The following ACOT1 variants were observed in gnomAD, a reference collection of about 807,000 sequenced individuals.
The protein encoded by ACOT1 is acyl-coenzyme A thioesterase 1.
Under a neutral mutation model 15.7 loss-of-function variants are expected in ACOT1, and 8 were observed. The ratio of observed to expected loss-of-function variants is 0.51; its 90% confidence interval spans 0.30 to 0.92. The LOEUF (loss-of-function observed/expected upper bound fraction) is 0.92, where lower values mean the gene tolerates loss of function less well. Among genes scored for constraint, ACOT1 ranks in the 40% least tolerant of loss-of-function variants. The pLI is 0.06. For missense variants in ACOT1, 151 were observed against 539.4 expected (o/e 0.28, Z 7.13); for synonymous variants, 67 against 241.2 (o/e 0.28, Z 6.69).
chr14:73,511,913 G>A, the ACOT1 span: 4 of 1,483,508 alleles, frequency 2.7e-6, no homozygotes, highest in African/African-American at 5.6e-5. Flanking sequence ...TTTGTAAAAT[G>A]ATCTCAGATA....
Position 73,537,935 on chromosome 14 carries a change from C to CTGTGTG in ACOT1, c.457+69_457+74dup, listed in dbSNP as rs375758117. 4,211 of 1,094,576 alleles carry CTGTGTG rather than the reference C, an allele frequency of 3.8e-3. 640 individuals are homozygous for CTGTGTG. The African/African-American group carries it at 0.065, about 17-fold the overall frequency. The allele number at this position is 1,094,576 out of a possible 1,614,324, so 67.8% of individuals were successfully genotyped here. A position where few individuals can be genotyped will look rare whatever the true frequency, so the allele number is the denominator to read the frequency against. ...CCCATCCCTGTTCCTGCGCTTTCCA[C>CTGTGTG]TGTGTGTGTGTGTGTGTCCCCTTCG... On this transcript the variant is annotated intron_variant, in intron 1 of 2. Transcript: ENST00000311148.
chr14:73,530,232 G>T, the ACOT1 span: 2 of 145,302 alleles, frequency 1.4e-5, no homozygotes, highest in African/African-American at 5.0e-5. Flanking sequence ...CTCCAGAAAT[G>T]CTGGGACTGC....
chr14:73,517,650 A>G, the ACOT1 span, among the ~76,000 whole-genome samples: 1 of 140,290 alleles, frequency 7.1e-6, no homozygotes, highest in Non-Finnish European at 1.5e-5. Context: ...CCTGGGAAAC[A>G]GAGTGAGACC....
chr14:73,542,008 A>G (rs1889102373), intron 2 of ACOT1, among the ~76,000 whole-genome samples: 1 of 112,408 alleles, frequency 8.9e-6, no homozygotes, highest in South Asian at 2.8e-4. Context: ...GGCACCTGCC[A>G]ACATGCCTGG....
the ACOT1 span, chr14:73,527,118 C>A: frequency 6.6e-6 from 1 of 152,148 alleles, no homozygotes. Flanking sequence ...GCTGCAGAGA[C>A]CGTAGGCTTA....
the ACOT1 span, chr14:73,523,160 C>T: frequency 3.3e-5 from 51 of 1,567,472 alleles, no homozygotes; most frequent in Non-Finnish European, 4.0e-5. Flanking sequence ...CATACCGCGT[C>T]CCAGCAAATG....
At chr14:73,511,532 T>C in the ACOT1 span, among the ~76,000 whole-genome samples, 2 of 119,800 alleles carry the variant, frequency 1.7e-5, no homozygotes, top group African/African-American at 6.1e-5. Flanking sequence ...AATAAATAAA[T>C]AAATAAATAA....
the ACOT1 span, among the ~76,000 whole-genome samples, chr14:73,501,569 CTTTT>C: frequency 2.1e-3 from 229 of 108,156 alleles, 2 homozygotes; most frequent in African/African-American, 7.8e-3. Flanking sequence ...GTCTCTCTCT[CTTTT>C]TTTTTTTTTT....
chr14:73,492,346 A>G, the ACOT1 span: 2 of 1,613,796 alleles, frequency 1.2e-6, no homozygotes, highest in Non-Finnish European at 1.7e-6. The surrounding 1 kb of genome is among the most constrained non-coding windows in gnomAD (Gnocchi z 4.9). Flanking sequence ...TGCAGGCTGC[A>G]ATGGAAGAAA....
At chr14:73,522,639 G>T in the ACOT1 span, 2 of 1,614,108 alleles carry the variant, frequency 1.2e-6, no homozygotes, top group African/African-American at 2.7e-5. Context: ...AGCATATCTG[G>T]ATGCATGCAG....
At chr14:73,530,077 C>G in the ACOT1 span, 1 of 133,720 alleles carries the variant, frequency 7.5e-6, no homozygotes, top group African/African-American at 2.6e-5. Flanking sequence ...ATCCTCCTGC[C>G]TCAGCGTCCC....
At chr14:73,519,356 T>C in the ACOT1 span, among the ~76,000 whole-genome samples, 1 of 152,004 alleles carries the variant, frequency 6.6e-6, no homozygotes, top group Non-Finnish European at 1.5e-5. Context: ...TAAATCACTA[T>C]AGTGTCTGTG....
the ACOT1 span, chr14:73,520,749 G>A: frequency 2.8e-6 from 3 of 1,070,110 alleles, no homozygotes; most frequent in East Asian, 7.1e-5. Context: ...GGTCATCCAG[G>A]GCCTCTTGTC....
chr14:73,500,794 C>A, the ACOT1 span: 2 of 1,454,136 alleles, frequency 1.4e-6, no homozygotes, highest in South Asian at 1.2e-5. Context: ...CCCCAACCCC[C>A]ACTAATGCCC....
At chr14:73,522,970 G>T in the ACOT1 span, 1 of 1,614,186 alleles carries the variant, frequency 6.2e-7, no homozygotes, top group South Asian at 1.1e-5. Flanking sequence ...TCAAATATTG[G>T]CTCTTGCGGT....
upstream of ACOT1, among the ~76,000 whole-genome samples, chr14:73,533,856 G>C (rs1453381403): frequency 1.1e-5 from 1 of 90,500 alleles, no homozygotes; most frequent in African/African-American, 3.6e-5. Context: ...AGACCAGTCT[G>C]GGCAACATAG....
At chr14:73,524,379 C>T in the ACOT1 span, among the ~76,000 whole-genome samples, 1 of 143,276 alleles carries the variant, frequency 7.0e-6, no homozygotes, top group Non-Finnish European at 1.5e-5. Flanking sequence ...ATGGTTTTGA[C>T]TCTTCATGAA....
chr14:73,506,804 G>GTTTTTTTTTTTTTTTT, the ACOT1 span, among the ~76,000 whole-genome samples: 39 of 80,490 alleles, frequency 4.8e-4, 4 homozygotes, highest in Middle Eastern at 0.017. Context: ...GACTTTAACT[G>GTTTTTTTTTTTTTTTT]TTTTTTTTTT....
At chr14:73,498,269 G>A in the ACOT1 span, 14 of 1,613,956 alleles carry the variant, frequency 8.7e-6, 1 homozygote, top group Middle Eastern at 6.6e-4. Flanking sequence ...CCGTACACCT[G>A]GTGACTCTTC....
Sources: gnomAD v4.1 joint callset for allele counts (sites outside exome capture counted in the v4.1 genomes callset) on GRCh38, gnomAD v4.1.1 for gene constraint, Gnocchi (gnomAD v3.1) non-coding constraint, MANE v1.5 for transcripts, NCBI Gene and HGNC (gene_info 2026-07-23, HGNC 2026-07-21) for gene names.